Variants in PCDH15 observed in about 807,000 individuals in gnomAD.
PCDH15 encodes the protein protocadherin related 15.
A neutral mutation model predicts 178.5 loss-of-function variants in PCDH15; 129 were observed. The observed-to-expected ratio is 0.72, with a 90% CI of 0.63 to 0.84. PCDH15 has a LOEUF of 0.84. PCDH15 is among the 40% of genes least tolerant of loss of function. PCDH15 has a pLI of 0.00. For synonymous variants in PCDH15, 800 were observed against 732.0 expected (o/e 1.09, Z -1.50); for missense variants, 2,230 against 2,099.9 (o/e 1.06, Z -1.21).
upstream of PCDH15, among the ~76,000 whole-genome samples, chr10:55,323,181 A>T (rs563951484): frequency 6.7e-4 from 102 of 152,346 alleles, 2 homozygotes; most frequent in South Asian, 0.021. Context: ...GGGAACTTCC[A>T]TCTAGATTTC....
chr10:55,015,183 C>A (rs955736850), intron 2 of PCDH15, among the ~76,000 whole-genome samples: 1 of 151,924 alleles, frequency 6.6e-6, no homozygotes, highest in African/African-American at 2.4e-5. Flanking sequence ...GAGCCAAGAT[C>A]CCACCACATT....
chr10:54,155,634 C>G (rs1340026317), intron 13 of PCDH15, among the ~76,000 whole-genome samples: 1 of 151,830 alleles, frequency 6.6e-6, no homozygotes, highest in Non-Finnish European at 1.5e-5. Context: ...ATACCCAAAT[C>G]ATAATAGTGT....
intron 2 of PCDH15, among the ~76,000 whole-genome samples, chr10:55,598,529 T>TAAAC (rs1842985741): frequency 3.3e-5 from 1 of 30,714 alleles, no homozygotes; most frequent in Non-Finnish European, 5.3e-5. Flanking sequence ...TATATATATA[T>TAAAC]ATATATATAT....
rs543083837 is a variant in PCDH15 at position 54,909,305 on chromosome 10, T to C, written c.-79-11805A>G. 2.3e-4 allele frequency among the ~76,000 whole-genome samples: 35 copies of C among 152,174 alleles called. 1 individual carries two copies. The South Asian group carries it at 7.3e-3, about 32-fold the overall frequency. On this transcript the variant is annotated intron_variant, in intron 2 of 5. Transcript: ENST00000458638. ...AAGCCTGATAGCCTCCTGCCTCTGTTCATGGAGCCCAGGTTATTAATGCCA... is the reference window on the plus strand; with the variant it reads ...AAGCCTGATAGCCTCCTGCCTCTGTCCATGGAGCCCAGGTTATTAATGCCA...
intron 25 of PCDH15, among the ~76,000 whole-genome samples, chr10:53,935,446 CA>C (rs1006522721): frequency 2.7e-5 from 4 of 149,616 alleles, no homozygotes; most frequent in East Asian, 1.9e-4. Context: ...ATGAGCAGTG[CA>C]AAAAAAAAGT....
intron 1 of PCDH15, among the ~76,000 whole-genome samples, chr10:54,697,682 A>AGGG (rs1565970965): frequency 2.3e-5 from 2 of 87,958 alleles, no homozygotes; most frequent in African/African-American, 5.2e-5. Flanking sequence ...AGGGGAAGGG[A>AGGG]GGAAGGGAGG....
At chr10:54,696,914 A>AC (rs1353812505) in intron 1 of PCDH15, among the ~76,000 whole-genome samples, 1 of 152,018 alleles carries the variant, frequency 6.6e-6, no homozygotes, top group Non-Finnish European at 1.5e-5. Context: ...ATCTCCCCTG[A>AC]CCATCAGGCT....
chr10:55,210,521 T>C (rs1161746761), intron 1 of PCDH15, among the ~76,000 whole-genome samples: 2 of 147,306 alleles, frequency 1.4e-5, no homozygotes, highest in Admixed American at 6.9e-5. Flanking sequence ...TCAGAACTAA[T>C]GGGGAAATGG....
intron 2 of PCDH15, among the ~76,000 whole-genome samples, chr10:55,073,723 A>G (rs1841808712): frequency 6.6e-6 from 1 of 152,074 alleles, no homozygotes; most frequent in Non-Finnish European, 1.5e-5. Context: ...AAGAATTGGT[A>G]TTAGTTATTC....
At chr10:54,363,933 A>G (rs766956691) in intron 5 of PCDH15, among the ~76,000 whole-genome samples, 4 of 151,966 alleles carry the variant, frequency 2.6e-5, no homozygotes, top group African/African-American at 9.7e-5. Context: ...AAAATATTGG[A>G]CGGTCACAGT....
chr10:54,029,737 A>G (rs189567563), intron 18 of PCDH15, among the ~76,000 whole-genome samples: 1 of 152,252 alleles, frequency 6.6e-6, no homozygotes, highest in African/African-American at 2.4e-5. Context: ...AGGGAAATAT[A>G]TTTCTTAAAC....
rs188807334 is a variant in PCDH15, at chr10:55,385,591, A to T, written c.-155-218940T>A. Reference sequence around the variant, plus strand: ...ATATATGGCTCTAATTACAAGAAAGACAAAATTTTTGAAGTTTCTGTGTAG... The same window carrying T: ...ATATATGGCTCTAATTACAAGAAAGTCAAAATTTTTGAAGTTTCTGTGTAG... On this transcript the variant is annotated intron_variant, in intron 2 of 5. Coordinates refer to the PCDH15 transcript ENST00000613346. 3.2e-3 allele frequency among the ~76,000 whole-genome samples: 477 copies of T among 150,900 alleles called. 2 individuals are homozygous for T. The highest frequency in any genetic ancestry group is 9.3e-3 in the African/African-American group (382 of 41,258).
At chr10:55,524,698 T>C (rs1217090307) in intron 2 of PCDH15, among the ~76,000 whole-genome samples, 1 of 151,616 alleles carries the variant, frequency 6.6e-6, no homozygotes, top group African/African-American at 2.4e-5. Flanking sequence ...TTCTGATACC[T>C]CAGAAAGCAC....
chr10:53,923,144 T>A (rs994712387), intron 25 of PCDH15, among the ~76,000 whole-genome samples: 1 of 152,132 alleles, frequency 6.6e-6, no homozygotes, highest in Non-Finnish European at 1.5e-5. Flanking sequence ...TTAAACAGTC[T>A]TGATGGCAAG....
intron 11 of PCDH15, among the ~76,000 whole-genome samples, chr10:54,191,347 G>A (rs2048970052): frequency 6.6e-6 from 1 of 152,164 alleles, no homozygotes; most frequent in Non-Finnish European, 1.5e-5. Flanking sequence ...TCGAATGAAG[G>A]AATGCCTGAG....
chr10:53,808,419 C>A (rs925571896), intron 37 of PCDH15: 3 of 1,146,278 alleles, frequency 2.6e-6, no homozygotes, highest in East Asian at 4.8e-5. Context: ...TAACAAAAAT[C>A]CTACCAGTAA....
chr10:54,037,925 A>C (rs533292412), intron 18 of PCDH15, among the ~76,000 whole-genome samples: 1 of 152,118 alleles, frequency 6.6e-6, no homozygotes, highest in African/African-American at 2.4e-5. Context: ...CTACTTTCAT[A>C]AAGACTGATT....
intron 12 of PCDH15, 123 bp downstream of exon 12, chr10:54,185,011 A>C: frequency 4.4e-6 from 5 of 1,145,926 alleles, no homozygotes; most frequent in Non-Finnish European, 6.4e-6. Context: ...TATTGAAAAT[A>C]ATGTATTTTT....
chr10:55,042,382 G>T (rs1361421411), intron 2 of PCDH15, among the ~76,000 whole-genome samples: 1 of 152,012 alleles, frequency 6.6e-6, no homozygotes, highest in Non-Finnish European at 1.5e-5. Flanking sequence ...TGGTGCTTAA[G>T]AAAAATTGAT....
Sources: allele counts gnomAD v4.1 joint callset (sites outside exome capture counted in the v4.1 genomes callset), GRCh38; gene constraint gnomAD v4.1.1; transcripts MANE v1.5; gene names NCBI Gene and HGNC (gene_info 2026-07-23, HGNC 2026-07-21).